NFIA: variants seen among roughly 807,000 people sequenced by gnomAD.
The protein encoded by NFIA is nuclear factor 1 A-type.
NFIA carries 8 observed loss-of-function variants against 62.8 expected under a neutral mutation model. The ratio of observed to expected loss-of-function variants is 0.13; its 90% CI spans 0.07 to 0.23. NFIA has a LOEUF of 0.23. Among genes scored for constraint, NFIA ranks in the 10% least tolerant of loss-of-function variants. The probability of loss-of-function intolerance (pLI) is 1.00; values close to 1 mark genes in which losing one functional copy is unlikely to be tolerated. For synonymous variants in NFIA, 235 were observed against 238.1 expected, an observed-to-expected ratio of 0.99 and a Z score of 0.12; for missense variants, 410 against 642.1, an observed-to-expected ratio of 0.64 and a Z score of 3.91.
chr1:61,193,473 T>G (rs1651782257), intron 2 of NFIA, among the ~76,000 whole-genome samples: 1 of 152,206 alleles, frequency 6.6e-6, no homozygotes, highest in Non-Finnish European at 1.5e-5. Flanking sequence ...CCTTCCTGTC[T>G]AAAGAGAGAG....
chr1:61,179,094 G>C (rs534639649), intron 2 of NFIA, among the ~76,000 whole-genome samples: 14 of 152,370 alleles, frequency 9.2e-5, no homozygotes, highest in African/African-American at 3.1e-4. Context: ...CTGAGGCAGA[G>C]AGACTACGGT....
At chr1:61,439,254 A>C (rs189172775) in intron 10 of NFIA, among the ~76,000 whole-genome samples, 1 of 152,310 alleles carries the variant, frequency 6.6e-6, no homozygotes, top group Admixed American at 6.5e-5. Flanking sequence ...TGACTCTGCC[A>C]GAGTGGCTGG....
intron 2 of NFIA, among the ~76,000 whole-genome samples, chr1:61,256,507 A>G (rs1035906274): frequency 2.0e-5 from 3 of 151,834 alleles, no homozygotes; most frequent in Non-Finnish European, 4.4e-5. Context: ...GGCCGTGTTC[A>G]AAGCTGTCCT....
chr1:61,227,358 T>G (rs1654398222), intron 2 of NFIA, among the ~76,000 whole-genome samples: 1 of 151,844 alleles, frequency 6.6e-6, no homozygotes, highest in Admixed American at 6.6e-5. Context: ...TTATCAAGCT[T>G]GATTTCATAA....
chr1:61,342,715 C>T (rs898779175), intron 4 of NFIA, among the ~76,000 whole-genome samples: 2 of 152,172 alleles, frequency 1.3e-5, no homozygotes, highest in African/African-American at 4.8e-5. Context: ...AATTATTCTT[C>T]TATTTAAACG....
intron 2 of NFIA, among the ~76,000 whole-genome samples, chr1:61,164,555 G>C (rs1214836321): frequency 6.6e-6 from 1 of 152,030 alleles, no homozygotes; most frequent in Non-Finnish European, 1.5e-5. Context: ...TGCTTCCTGG[G>C]TTCACGCCAT....
At chr1:61,158,370 A>G (rs1648953763) in intron 2 of NFIA, among the ~76,000 whole-genome samples, 1 of 152,224 alleles carries the variant, frequency 6.6e-6, no homozygotes, top group Non-Finnish European at 1.5e-5. Flanking sequence ...CATTAATTTT[A>G]ATAATTGGAA....
intron 2 of NFIA, among the ~76,000 whole-genome samples, chr1:61,203,643 G>C (rs1395811050): frequency 6.6e-6 from 1 of 152,086 alleles, no homozygotes; most frequent in Non-Finnish European, 1.5e-5. Context: ...CATGGTTTCT[G>C]TTGCCATGTA....
Position 61,406,553 on chromosome 1 carries a change from C to CCCA in NFIA, c.1255-7_1255-6insACC. The stretch of plus-strand genomic sequence containing the variant: ...GTACGTGTGTTTTCTGCCCCCCCCC[C>CCCA]CCCCACAGCCCAATGGGAGCAGCCA... On this transcript the variant is annotated splice_polypyrimidine_tract_variant and intron_variant, in intron 8 of 10. Transcript: ENST00000403491. The CCCA allele has an allele frequency of 7.6e-7, 1 of 1,319,418 alleles. No homozygotes were observed. The highest frequency in any genetic ancestry group is 1.0e-6 in the Non-Finnish European group (1 of 981,184). The allele number at this position is 1,319,418 out of a possible 1,614,324, so 81.7% of individuals were successfully genotyped here.
rs1553183257 is a variant in NFIA, at chr1:61,406,548, C to CCA, written c.1255-13_1255-12insAC. 5.4e-6 allele frequency: 5 copies of CCA among 933,508 alleles called. No individual in the cohort carries two copies. Among genetic ancestry groups the CCA allele is most frequent in the Non-Finnish European group, 7.4e-6 (5 of 672,678 alleles). The allele number at this position is 933,508 out of a possible 1,614,324, so 57.8% of individuals were successfully genotyped here. ...TTCTTGTACGTGTGTTTTCTGCCCC[C>CCA]CCCCCCCCCACAGCCCAATGGGAGC... On this transcript the variant is annotated splice_polypyrimidine_tract_variant and intron_variant, in intron 8 of 10. Coordinates refer to ENST00000403491, the MANE Select transcript of NFIA (RefSeq NM_001134673.4).
At chr1:61,198,531 A>G (rs1028271882) in intron 2 of NFIA, among the ~76,000 whole-genome samples, 10 of 152,166 alleles carry the variant, frequency 6.6e-5, no homozygotes, top group Non-Finnish European at 1.0e-4. Context: ...ATTGTTTTGA[A>G]TGTTATCTGG....
At chr1:61,102,509 C>G (rs1290811223) in intron 2 of NFIA, among the ~76,000 whole-genome samples, 1 of 151,990 alleles carries the variant, frequency 6.6e-6, no homozygotes, top group Non-Finnish European at 1.5e-5. Flanking sequence ...TCTTCTTTCC[C>G]TATCTTATTT....
At chr1:61,423,404 C>T (rs1666722802) in intron 9 of NFIA, among the ~76,000 whole-genome samples, 1 of 152,116 alleles carries the variant, frequency 6.6e-6, no homozygotes, top group South Asian at 2.1e-4. Flanking sequence ...TACTTCTGAA[C>T]CTCCCCTCCA....
chr1:61,363,052 G>C (rs1663384619), intron 6 of NFIA, among the ~76,000 whole-genome samples: 1 of 152,110 alleles, frequency 6.6e-6, no homozygotes, highest in Admixed American at 6.6e-5. Flanking sequence ...TGTGTACCAG[G>C]TTTTTAAAAA....
chr1:61,140,754 C>T (rs1048834614), intron 2 of NFIA, among the ~76,000 whole-genome samples: 2 of 151,960 alleles, frequency 1.3e-5, no homozygotes, highest in Admixed American at 1.3e-4. Context: ...GACGAAAATC[C>T]CTATTTTCTG....
At chr1:61,173,717 C>G (rs1650133702) in intron 2 of NFIA, among the ~76,000 whole-genome samples, 1 of 152,100 alleles carries the variant, frequency 6.6e-6, no homozygotes, top group African/African-American at 2.4e-5. Context: ...TTTCTCTCAC[C>G]TCTCTGGCCA....
In NFIA at chr1:61,113,056, C is replaced by T. The variant is rs1359087175; in HGVS notation, c.559+24376C>T. 5.3e-5 allele frequency among the ~76,000 whole-genome samples: 8 copies of T among 152,066 alleles called. No homozygotes were observed. In the East Asian group the frequency reaches 5.8e-4, roughly 11 times the overall value. On this transcript the variant is annotated intron_variant, in intron 2 of 10. Transcript: ENST00000403491. Reference sequence around the variant, plus strand: ...ATGAAAATTTCTCCTTAAAATGGTACGTCTTTTGAAAACATTTTGTTTATA... The same window carrying T: ...ATGAAAATTTCTCCTTAAAATGGTATGTCTTTTGAAAACATTTTGTTTATA...
chr1:61,458,613 G>A lies in NFIA; in HGVS notation c.*3293G>A, dbSNP rs1038350601. ...TCTGATCGTTCATTATAAAGGCAGC[G>A]TTCATAGAATTGCTTTTCTTTCTTT... On this transcript the variant is annotated 3_prime_UTR_variant, in exon 11 of 11. Coordinates refer to ENST00000403491, the MANE Select transcript of NFIA (RefSeq NM_001134673.4). The A allele has an allele frequency of 8.6e-5, 13 of 150,936 alleles. 1 individual carries two copies. The highest frequency in any genetic ancestry group is 2.0e-4 in the Admixed American group (3 of 15,162). The allele number at this position is 150,936 out of a possible 1,614,324, so 9.3% of individuals were successfully genotyped here.
chr1:61,208,565 G>A (rs182525852), intron 2 of NFIA, among the ~76,000 whole-genome samples: 216 of 152,262 alleles, frequency 1.4e-3, no homozygotes, highest in Non-Finnish European at 2.7e-3. Flanking sequence ...TTGAAACTGT[G>A]TGTTGTGACC....
Sources: gnomAD v4.1 joint callset for allele counts (sites outside exome capture counted in the v4.1 genomes callset) on GRCh38, gnomAD v4.1.1 for gene constraint, MANE v1.5 for transcripts, NCBI Gene and HGNC (gene_info 2026-07-23, HGNC 2026-07-21) for gene names.